Variants in ZNF417 observed in about 807,000 individuals in gnomAD.
ZNF417 encodes the protein zinc finger protein 417.
In ZNF417, 5 loss-of-function variants were observed where a neutral mutation model predicts 7.4. The observed-to-expected ratio is 0.68, with a 90% CI of 0.35 to 1.43. ZNF417 has a LOEUF of 1.43. Ranked by LOEUF, ZNF417 falls within the 40% of genes most tolerant of loss-of-function variation. The pLI is 0.04. For missense variants in ZNF417, 437 were observed against 697.3 expected (o/e 0.63, Z 4.20); for synonymous variants, 147 against 239.1 (o/e 0.61, Z 3.55).
chr19:57,915,426 C>T (rs1353463719), intron 1 of ZNF417: 1 of 408,654 alleles, frequency 2.4e-6, no homozygotes. Flanking sequence ...CTCCCGGCTC[C>T]GTCCATCTCC....
Position 57,909,016 on chromosome 19 carries a change from G to C in ZNF417, c.1262C>G (p.Ser421Cys), listed in dbSNP as rs745711006. Residue 421 changes from serine (S) to cysteine (C), a missense_variant, in exon 3 of 3, where the codon TCC becomes TGC. Physicochemically the swap from Ser to Cys is moderately radical, Grantham distance 112. Coordinates refer to ENST00000312026, the MANE Select transcript of ZNF417 (RefSeq NM_152475.3). ...AAGTCTCTGGTGTTCAGTGAGGTGG[G>C]ATCTGTACCTAAATGATTTCCCACA... ...KECGKSFRYRSHLTEHQRLHT... is the reference protein window; with the variant it reads ...KECGKSFRYRCHLTEHQRLHT... 1.9e-6 allele frequency: 3 copies of C among 1,611,640 alleles called. No homozygotes were observed. Among genetic ancestry groups the C allele is most frequent in the Non-Finnish European group, 8.5e-7 (1 of 1,177,996 alleles).
rs139406767 is a variant in ZNF417 at position 57,916,144 on chromosome 19, G to A, written c.33+235C>T. The stretch of plus-strand genomic sequence containing the variant: ...CTGCGTCAATTACTATTTCTCCATC[G>A]CAATTCTCCAGTCTTCATAAATCGG... On this transcript the variant is annotated intron_variant, in intron 1 of 2. Coordinates refer to ENST00000312026, the MANE Select transcript of ZNF417 (RefSeq NM_152475.3). Among the ~76,000 whole-genome samples the A allele has an allele frequency of 3.3e-5, 5 of 152,332 alleles. No homozygotes were observed. The East Asian group carries it at 9.6e-4, about 29-fold the overall frequency.
rs2071821175 is a variant in ZNF417 at position 57,905,915 on chromosome 19, A to C, written c.*2635T>G. On this transcript the variant is annotated 3_prime_UTR_variant, in exon 3 of 3. Transcript: ENST00000312026. ...CAAGACAAGAGCCTGCAGAGACTAAAATTGCTTAGTACTGAAAGTTTTGCC... is the reference window on the plus strand; with the variant it reads ...CAAGACAAGAGCCTGCAGAGACTAACATTGCTTAGTACTGAAAGTTTTGCC... Among the ~76,000 whole-genome samples the C allele has an allele frequency of 6.6e-6, 1 of 152,198 alleles. No individual in the cohort carries two copies. Among genetic ancestry groups the C allele is most frequent in the African/African-American group, 2.4e-5 (1 of 41,440 alleles).
intron 1 of ZNF417, among the ~76,000 whole-genome samples, chr19:57,913,840 C>T (rs1202695706): frequency 6.6e-6 from 1 of 152,132 alleles, no homozygotes; most frequent in African/African-American, 2.4e-5. Flanking sequence ...GTAGTCACAC[C>T]TTCCTGGCCC....
In ZNF417 at chr19:57,908,260, C is replaced by G. The variant is rs748374040; in HGVS notation, c.*290G>C. ...TGGTACTGAAAACCAAGTATTTGGC[C>G]GGGCATGGTGTGGTGTACTCGTAAT... On this transcript the variant is annotated 3_prime_UTR_variant, in exon 3 of 3. Coordinates refer to ENST00000312026, the MANE Select transcript of ZNF417 (RefSeq NM_152475.3). 1 of 463,972 alleles carries G rather than the reference C, an allele frequency of 2.2e-6. No homozygotes were observed. Among genetic ancestry groups the G allele is most frequent in the East Asian group, 4.1e-5 (1 of 24,392 alleles). The allele number at this position is 463,972 out of a possible 1,614,324, so 28.7% of individuals were successfully genotyped here. A position where few individuals can be genotyped will look rare whatever the true frequency, so the allele number is the denominator to read the frequency against.
chr19:57,911,463 A>C (rs1029255742), intron 2 of ZNF417, among the ~76,000 whole-genome samples: 14 of 152,182 alleles, frequency 9.2e-5, no homozygotes, highest in Admixed American at 7.9e-4. Flanking sequence ...GCCTGAATTG[A>C]ACCACATCTT....
rs529779860 is a variant in ZNF417, at chr19:57,913,697, G to A, written c.34-1508C>T. Among the ~76,000 whole-genome samples the A allele has an allele frequency of 3.3e-5, 5 of 152,010 alleles. No individual in the cohort carries two copies. In the South Asian group the frequency reaches 6.2e-4, roughly 19 times the overall value. On this transcript the variant is annotated intron_variant, in intron 1 of 2. Coordinates refer to ENST00000312026, the MANE Select transcript of ZNF417 (RefSeq NM_152475.3). ...CATCTATCTCATCTATTCTCTCCTC[G>A]GATGTCTATGTCCCCTTCCAAACTC...
intron 1 of ZNF417, 129 bp downstream of exon 1, chr19:57,916,250 C>G (rs1029871468): frequency 1.3e-6 from 2 of 1,554,152 alleles, no homozygotes; most frequent in East Asian, 2.4e-5. Flanking sequence ...AGGGACCCCT[C>G]CTGCGAGCGC....
chr19:57,916,257 G>C, intron 1 of ZNF417, 122 bp downstream of exon 1: 1 of 1,570,164 alleles, frequency 6.4e-7, no homozygotes, highest in Non-Finnish European at 8.6e-7. Flanking sequence ...CCTCCTGCGA[G>C]CGCCTCAGTG....
chr19:57,913,292 A>C (rs2071916185), intron 1 of ZNF417, among the ~76,000 whole-genome samples: 1 of 152,212 alleles, frequency 6.6e-6, no homozygotes, highest in Non-Finnish European at 1.5e-5. Flanking sequence ...CATGGTTTAC[A>C]ATAGCAGTGG....
Position 57,908,809 on chromosome 19 carries a change from C to T in ZNF417, c.1469G>A (p.Arg490Lys). The T allele has an allele frequency of 1.2e-6, 2 of 1,613,832 alleles. No individual in the cohort carries two copies. The highest frequency in any genetic ancestry group is 1.7e-6 in the Non-Finnish European group (2 of 1,179,746). ...CCCACATTCATTGCATTCATACGGCCTTTCTCCAGTGTGAATCCTCTGATG... is the reference window on the plus strand; with the variant it reads ...CCCACATTCATTGCATTCATACGGCTTTTCTCCAGTGTGAATCCTCTGATG... ...TIHQRIHTGE[R>K]PYECNECGKS... Residue 490 changes from arginine to lysine, a missense_variant, in exon 3 of 3, where the codon AGG (arginine) becomes AAG (lysine). Transcript: ENST00000312026.
intron 2 of ZNF417, 93 bp downstream of exon 2, chr19:57,911,967 A>T (rs781053749): frequency 2.5e-4 from 377 of 1,506,818 alleles, no homozygotes; most frequent in Non-Finnish European, 2.8e-4. Context: ...ACCTGTGTCC[A>T]GGCTCCTTAA....
chr19:57,915,271 TA>T (rs1358777041), intron 1 of ZNF417: 3 of 175,400 alleles, frequency 1.7e-5, no homozygotes, highest in African/African-American at 7.2e-5. Flanking sequence ...TGGGAAACCT[TA>T]AAAGCCTGGA....
At chr19:57,913,186 T>C (rs575529519) in intron 1 of ZNF417, among the ~76,000 whole-genome samples, 1 of 152,098 alleles carries the variant, frequency 6.6e-6, no homozygotes, top group Non-Finnish European at 1.5e-5. Context: ...ACACATCATA[T>C]TGGGCCTTCA....
intron 1 of ZNF417, among the ~76,000 whole-genome samples, chr19:57,914,247 A>C (rs2071924304): frequency 6.6e-6 from 1 of 151,978 alleles, no homozygotes; most frequent in South Asian, 2.1e-4. Flanking sequence ...GCACTTTGGG[A>C]GGCTGAGGCA....
intron 1 of ZNF417, among the ~76,000 whole-genome samples, chr19:57,913,484 C>T (rs1424545229): frequency 6.6e-6 from 1 of 152,156 alleles, no homozygotes; most frequent in Non-Finnish European, 1.5e-5. Context: ...GATTTGTGAA[C>T]CAAACCACAT....
rs533129934 is a variant in ZNF417, at chr19:57,905,894, A to G, written c.*2656T>C. Among the ~76,000 whole-genome samples, 32 of 152,354 alleles carry G rather than the reference A, an allele frequency of 2.1e-4. No individual in the cohort carries two copies. The highest frequency in any genetic ancestry group is 2.1e-3 in the Admixed American group (32 of 15,300). On this transcript the variant is annotated 3_prime_UTR_variant, in exon 3 of 3. Coordinates refer to ENST00000312026, the MANE Select transcript of ZNF417 (RefSeq NM_152475.3). ...TTAACAAAAGTTGTATTAATTCAAGACAAGAGCCTGCAGAGACTAAAATTG... is the reference window on the plus strand; with the variant it reads ...TTAACAAAAGTTGTATTAATTCAAGGCAAGAGCCTGCAGAGACTAAAATTG...
rs147049511 is a variant in ZNF417, at chr19:57,907,573, C to A, written c.*977G>T. 0.011 allele frequency: 1,641 copies of A among 154,960 alleles called. 27 individuals are homozygous for A. The highest frequency in any genetic ancestry group is 0.038 in the African/African-American group (1,563 of 41,646). The allele number at this position is 154,960 out of a possible 1,614,324, so 9.6% of individuals were successfully genotyped here. The stretch of plus-strand genomic sequence containing the variant: ...CCGGGTCCCTCAGAATGTCCCATCT[C>A]CCTGTCAGTATCAGTGTCCCAGATA... On this transcript the variant is annotated 3_prime_UTR_variant, in exon 3 of 3. Coordinates refer to ENST00000312026, the MANE Select transcript of ZNF417 (RefSeq NM_152475.3).
Position 57,907,809 on chromosome 19 carries a change from C to T in ZNF417, c.*741G>A, listed in dbSNP as rs2071848643. ...AGAAAGTGCAATGACAGTGTCTGCACAGGGACTGGAGATTATCTCCAGAAA... is the reference window on the plus strand; with the variant it reads ...AGAAAGTGCAATGACAGTGTCTGCATAGGGACTGGAGATTATCTCCAGAAA... On this transcript the variant is annotated 3_prime_UTR_variant, in exon 3 of 3. Coordinates refer to ENST00000312026, the MANE Select transcript of ZNF417 (RefSeq NM_152475.3). 2 of 153,830 alleles carry T rather than the reference C, an allele frequency of 1.3e-5. No homozygotes were observed. Among genetic ancestry groups the T allele is most frequent in the Middle Eastern group, 8.1e-4 (1 of 1,234 alleles). 9.5% of individuals were successfully genotyped at this position (153,830 alleles called of 1,614,324 possible).
Sources: gnomAD v4.1 joint callset for allele counts (sites outside exome capture counted in the v4.1 genomes callset) on GRCh38, gnomAD v4.1.1 for gene constraint, MANE v1.5 for transcripts, NCBI Gene and HGNC (gene_info 2026-07-23, HGNC 2026-07-21) for gene names.